FAM107A: variants seen among roughly 807,000 people sequenced by gnomAD.
FAM107A encodes actin-associated protein FAM107A.
A neutral mutation model predicts 13.7 loss-of-function variants in FAM107A; 19 were observed. That is an observed-to-expected ratio of 1.38 (90% CI 0.97 to 2.03). FAM107A has a LOEUF of 2.03. Ranked by LOEUF, FAM107A falls within the 30% of genes most tolerant of loss-of-function variation. The probability of loss-of-function intolerance (pLI) is 0.00; values close to 1 mark genes in which losing one functional copy is unlikely to be tolerated. For synonymous variants in FAM107A, 82 were observed against 74.5 expected, an observed-to-expected ratio of 1.10 and a Z score of -0.52; for missense variants, 203 against 184.4, an observed-to-expected ratio of 1.10 and a Z score of -0.58.
intron 1 of FAM107A, among the ~76,000 whole-genome samples, chr3:58,622,029 C>A (rs897792830): frequency 6.6e-6 from 1 of 152,152 alleles, no homozygotes; most frequent in African/African-American, 2.4e-5. Context: ...TGCACTGAGG[C>A]CCAGGCAAGT....
chr3:58,603,020 A>G (rs11130658), intron 1 of FAM107A, among the ~76,000 whole-genome samples: 47,561 of 152,154 alleles, frequency 0.31, 9,233 homozygotes, highest in Non-Finnish European at 0.44. Context: ...AATTTTATTC[A>G]TTAATTAATG....
In FAM107A at chr3:58,569,202, C is replaced by A. The variant is rs150963445; in HGVS notation, c.170+489G>T. 5.5e-3 allele frequency among the ~76,000 whole-genome samples: 837 copies of A among 152,328 alleles called. 2 individuals are homozygous for A. Among genetic ancestry groups the A allele is most frequent in the Middle Eastern group, 0.01 (3 of 294 alleles). ...CAGCACCCACCTCCGGCCTGGCTAA[C>A]TCCAGTCCCCCTTCAGGTCATAGCT... On this transcript the variant is annotated intron_variant, in intron 2 of 3. Transcript: ENST00000360997. This position sits in a 1 kb window ranked among gnomAD's most constrained non-coding sequence, Gnocchi z 5.7.
chr3:58,596,678 C>CAAAA (rs34782813), intron 1 of FAM107A, among the ~76,000 whole-genome samples: 18 of 134,276 alleles, frequency 1.3e-4, no homozygotes, highest in African/African-American at 3.5e-4. Flanking sequence ...GACTCGGTCT[C>CAAAA]AAAAAAAAAA....
chr3:58,580,264 C>A (rs1344758721), upstream of FAM107A, among the ~76,000 whole-genome samples: 1 of 151,158 alleles, frequency 6.6e-6, no homozygotes, highest in African/African-American at 2.4e-5. Context: ...GTATAAAGAA[C>A]TAGTGTGGAG....
chr3:58,589,187 T>C, upstream of FAM107A: 1 of 1,505,470 alleles, frequency 6.6e-7, no homozygotes, highest in Non-Finnish European at 8.9e-7. Context: ...ACCCAGGAAT[T>C]CTAGCGGGTC....
intron 1 of FAM107A, among the ~76,000 whole-genome samples, chr3:58,619,245 C>A (rs1203975350): frequency 5.3e-5 from 8 of 152,196 alleles, no homozygotes; most frequent in Admixed American, 5.2e-4. Context: ...AAGTGATCCT[C>A]CCTCCTTGGC....
At chr3:58,626,894 G>A (rs2066023457) in intron 1 of FAM107A, 1 of 1,414,356 alleles carries the variant, frequency 7.1e-7, no homozygotes, top group African/African-American at 1.4e-5. Context: ...AGGGTAGGTG[G>A]GTCGGGGCTC....
chr3:58,584,512 G>A (rs2065582451), intron 1 of FAM107A, among the ~76,000 whole-genome samples: 1 of 152,174 alleles, frequency 6.6e-6, no homozygotes, highest in South Asian at 2.1e-4. Flanking sequence ...TTGTGGGGTA[G>A]AAAATGTTCC....
Position 58,617,379 on chromosome 3 carries a change from T to C in FAM107A, c.-70+10037A>G, listed in dbSNP as rs2065913330. ...GGTTCTAGGTGTGACATCATCCCTA[T>C]GGGACACCTCAGGCCCCGTCCTGAG... On this transcript the variant is annotated intron_variant, in intron 1 of 3. Coordinates refer to the FAM107A transcript ENST00000465970. The surrounding 1 kb of genome is among the most constrained non-coding windows in gnomAD (Gnocchi z 4.5). Among the ~76,000 whole-genome samples the C allele has an allele frequency of 6.6e-6, 1 of 152,122 alleles. No homozygotes were observed. The highest frequency in any genetic ancestry group is 6.5e-5 in the Admixed American group (1 of 15,274).
At chr3:58,576,812 G>A (rs1424830321) in intron 1 of FAM107A, among the ~76,000 whole-genome samples, 1 of 152,222 alleles carries the variant, frequency 6.6e-6, no homozygotes, top group African/African-American at 2.4e-5. Context: ...AGACTGAAGA[G>A]GTGGGTACTG....
At position 58,625,301 on chromosome 3, in the gene FAM107A, A is replaced by T. The variant is rs374181418; in HGVS notation, c.-70+2115T>A. On this transcript the variant is annotated intron_variant, in intron 1 of 3. Coordinates refer to the FAM107A transcript ENST00000465970. ...GTTATCCTAATTCCCTAAGAGCTAAACAGAAACAGGCCTTTTCAAAAGACT... is the reference window on the plus strand; with the variant it reads ...GTTATCCTAATTCCCTAAGAGCTAATCAGAAACAGGCCTTTTCAAAAGACT... 5.3e-5 allele frequency among the ~76,000 whole-genome samples: 8 copies of T among 152,170 alleles called. No individual in the cohort carries two copies. In the East Asian group the frequency reaches 1.4e-3, roughly 26 times the overall value.
chr3:58,569,951 C>T lies in FAM107A; in HGVS notation c.-5-86G>A. 1.4e-6 allele frequency: 2 copies of T among 1,390,078 alleles called. No homozygotes were observed. Among genetic ancestry groups the T allele is most frequent in the Non-Finnish European group, 9.7e-7 (1 of 1,026,046 alleles). The allele number at this position is 1,390,078 out of a possible 1,614,324, so 86.1% of individuals were successfully genotyped here. On this transcript the variant is annotated intron_variant, in intron 1 of 3. Transcript: ENST00000360997. This position sits in a 1 kb window ranked among gnomAD's most constrained non-coding sequence, Gnocchi z 5.7. ...GGACACAGTTGAAGGGCAAGGTTTT[C>T]ATGTCAGATGGACCTTGGCCACCTG...
upstream of FAM107A, among the ~76,000 whole-genome samples, chr3:58,578,997 C>G (rs902607710): frequency 6.6e-6 from 1 of 152,160 alleles, no homozygotes; most frequent in East Asian, 1.9e-4. Context: ...AGGTAATATC[C>G]CTGCTGTCAG....
At chr3:58,612,865 A>G (rs1240508547) in intron 1 of FAM107A, among the ~76,000 whole-genome samples, 2 of 151,682 alleles carry the variant, frequency 1.3e-5, no homozygotes, top group Admixed American at 1.3e-4. Context: ...GCCTGTTATC[A>G]GTCATCTTTA....
chr3:58,589,327 G>A (rs1361710976), upstream of FAM107A: 5 of 1,146,542 alleles, frequency 4.4e-6, no homozygotes, highest in Non-Finnish European at 5.0e-6. Context: ...GGCTGAGGGA[G>A]GGGTGATATA....
At chr3:58,576,047 G>C (rs904851355) in intron 1 of FAM107A, among the ~76,000 whole-genome samples, 1 of 152,202 alleles carries the variant, frequency 6.6e-6, no homozygotes, top group Non-Finnish European at 1.5e-5. Context: ...TGACAAGCAC[G>C]GTCACTGGAT....
In FAM107A at chr3:58,612,662, A is replaced by T. The variant is rs577575701; in HGVS notation, c.-70+14754T>A. ...CATGCCACAGTGTCACAGTGGTTATACTTGCTGATTTTTCTACAATAATAA... is the reference window on the plus strand; with the variant it reads ...CATGCCACAGTGTCACAGTGGTTATTCTTGCTGATTTTTCTACAATAATAA... On this transcript the variant is annotated intron_variant, in intron 1 of 3. Transcript: ENST00000465970. Among the ~76,000 whole-genome samples, 20 of 152,266 alleles carry T rather than the reference A, an allele frequency of 1.3e-4. No homozygotes were observed. In the East Asian group the frequency reaches 3.9e-3, roughly 29 times the overall value.
chr3:58,567,177 G>T, intron 3 of FAM107A, 31 bp downstream of exon 3: 21 of 1,613,750 alleles, frequency 1.3e-5, no homozygotes, highest in Non-Finnish European at 1.8e-5. Flanking sequence ...CCTGGAGGAT[G>T]CGTGGTCCCT....
At chr3:58,606,223 G>T (rs1387130932) in intron 1 of FAM107A, among the ~76,000 whole-genome samples, 1 of 152,170 alleles carries the variant, frequency 6.6e-6, no homozygotes, top group Non-Finnish European at 1.5e-5. Context: ...AGCCTCCCAA[G>T]TAGCTGGGAT....
Sources: gnomAD v4.1 joint callset for allele counts (sites outside exome capture counted in the v4.1 genomes callset) on GRCh38, gnomAD v4.1.1 for gene constraint, Gnocchi (gnomAD v3.1) non-coding constraint, MANE v1.5 for transcripts, NCBI Gene and HGNC (gene_info 2026-07-23, HGNC 2026-07-21) for gene names.